DDA1: variants seen among roughly 807,000 people sequenced by gnomAD.
DDA1 encodes the protein DET1- and DDB1-associated protein 1.
In DDA1, 3 loss-of-function variants were observed where a neutral mutation model predicts 18.6. The ratio of observed to expected loss-of-function variants is 0.16; its 90% CI spans 0.07 to 0.42. DDA1 has a LOEUF of 0.42. Among genes scored for constraint, DDA1 ranks in the 10% least tolerant of loss-of-function variants. The pLI is 0.99. For missense variants in DDA1, 105 were observed against 138.2 expected (o/e 0.76, Z 1.20); for synonymous variants, 52 against 54.0 (o/e 0.96, Z 0.17).
rs751468064 is a variant in DDA1, at chr19:17,315,885, A to T, written c.137-49A>T. Reference sequence around the variant, plus strand: ...CCTCCCAGGGCAGTGTCAGGGGAGGAGCCTGGGGAGGGGAGGCGTCTGCGA... The same window carrying T: ...CCTCCCAGGGCAGTGTCAGGGGAGGTGCCTGGGGAGGGGAGGCGTCTGCGA... On this transcript the variant is annotated intron_variant, in intron 3 of 4. Transcript: ENST00000359866. 1.9e-6 allele frequency: 3 copies of T among 1,574,944 alleles called. No individual in the cohort carries two copies. In the South Asian group the frequency reaches 3.3e-5, roughly 17 times the overall value.
At chr19:17,311,839 C>T (rs955541353) in intron 1 of DDA1, among the ~76,000 whole-genome samples, 2 of 152,150 alleles carry the variant, frequency 1.3e-5, no homozygotes, top group Non-Finnish European at 1.5e-5. Flanking sequence ...GTGTCCAGTG[C>T]GTGTCTGCTG....
intron 1 of DDA1, chr19:17,310,161 C>T (rs1478793806): frequency 6.3e-6 from 1 of 159,816 alleles, no homozygotes; most frequent in Non-Finnish European, 1.4e-5. Flanking sequence ...CATTCTGGGC[C>T]CTTACCCGCC....
At chr19:17,317,368 G>A (rs1313150775) in intron 4 of DDA1, among the ~76,000 whole-genome samples, 6 of 151,932 alleles carry the variant, frequency 3.9e-5, no homozygotes, top group South Asian at 2.1e-4. Flanking sequence ...AATTAGCCGC[G>A]TAGCTGGGTG....
chr19:17,322,964 C>T lies in DDA1; in HGVS notation c.*3308C>T, dbSNP rs576471362. On this transcript the variant is annotated 3_prime_UTR_variant, in exon 5 of 5. Transcript: ENST00000359866. ...GGACTGGGGCCTGTGCACACATTGT[C>T]GCCTCTTTTCAGCACTTAGAGATTC... 8 of 152,394 alleles carry T rather than the reference C, an allele frequency of 5.2e-5. No individual in the cohort carries two copies. The highest frequency in any genetic ancestry group is 1.4e-4 in the African/African-American group (6 of 41,594). 9.4% of individuals were successfully genotyped at this position (152,394 alleles called of 1,614,324 possible).
At chr19:17,309,920 T>TC (rs966527600) in intron 1 of DDA1, among the ~76,000 whole-genome samples, 25 of 150,796 alleles carry the variant, frequency 1.7e-4, no homozygotes, top group Admixed American at 1.4e-3. Flanking sequence ...GGGTTGCGGC[T>TC]CCCCCCGGAA....
chr19:17,314,470 A>G lies in DDA1; in HGVS notation c.136+81A>G, dbSNP rs761552589. On this transcript the variant is annotated intron_variant, in intron 3 of 4. Coordinates refer to ENST00000359866, the MANE Select transcript of DDA1 (RefSeq NM_024050.6). This position sits in a 1 kb window ranked among gnomAD's most constrained non-coding sequence, Gnocchi z 4.6. Reference sequence around the variant, plus strand: ...GACTGCAGCGTGGCACGCGGAGGTTATCTTCAACCCCGGCCCAGGCCATAG... The same window carrying G: ...GACTGCAGCGTGGCACGCGGAGGTTGTCTTCAACCCCGGCCCAGGCCATAG... The G allele has an allele frequency of 2.4e-5, 37 of 1,574,168 alleles. No individual in the cohort carries two copies. The highest frequency in any genetic ancestry group is 3.1e-5 in the Non-Finnish European group (36 of 1,144,972).
At chr19:17,313,599 C>T (rs1291097680) in intron 1 of DDA1, among the ~76,000 whole-genome samples, 2 of 152,016 alleles carry the variant, frequency 1.3e-5, no homozygotes, top group Admixed American at 6.6e-5. Context: ...CGCACCACCA[C>T]GCCCACCTAA....
At chr19:17,313,807 T>G (rs2074190233) in intron 1 of DDA1, among the ~76,000 whole-genome samples, 1 of 152,160 alleles carries the variant, frequency 6.6e-6, no homozygotes, top group African/African-American at 2.4e-5. Context: ...TAGGGGGCTG[T>G]CATGAGGATC....
chr19:17,315,228 T>TAC (rs779683938), intron 3 of DDA1, among the ~76,000 whole-genome samples: 3 of 35,706 alleles, frequency 8.4e-5, no homozygotes, highest in Admixed American at 4.1e-4. Flanking sequence ...CACACGTGTA[T>TAC]ACACACACAC....
chr19:17,320,773 G>T lies in DDA1; in HGVS notation c.*1117G>T, dbSNP rs1312225040. 1 of 152,512 alleles carries T rather than the reference G, an allele frequency of 6.6e-6. No homozygotes were observed. Among genetic ancestry groups the T allele is most frequent in the Non-Finnish European group, 1.5e-5 (1 of 68,260 alleles). 9.4% of individuals were successfully genotyped at this position (152,512 alleles called of 1,614,324 possible). ...CTGTACAGAAGGTTGGCACCTGGCA[G>T]TTGGCATGTGCCATGGCCGCTCATG... On this transcript the variant is annotated 3_prime_UTR_variant, in exon 5 of 5. Transcript: ENST00000359866.
chr19:17,312,975 C>G (rs1167217322), intron 1 of DDA1, among the ~76,000 whole-genome samples: 1 of 152,060 alleles, frequency 6.6e-6, no homozygotes, highest in Non-Finnish European at 1.5e-5. Context: ...GAGGGACCAG[C>G]AGAGGAGGGG....
At chr19:17,315,427 T>TGTGC (rs1555722788) in intron 3 of DDA1, among the ~76,000 whole-genome samples, 3 of 79,132 alleles carry the variant, frequency 3.8e-5, no homozygotes, top group Middle Eastern at 5.3e-3. Flanking sequence ...TGTGTGTGTG[T>TGTGC]GCATATATAT....
In DDA1 at chr19:17,319,640, T is replaced by C. The variant is rs561040074; in HGVS notation, c.293T>C (p.Met98Thr). The C allele has an allele frequency of 1.9e-6, 3 of 1,572,236 alleles. No homozygotes were observed. In the African/African-American group the frequency reaches 4.0e-5, roughly 21 times the overall value. Residue 98 changes from methionine to threonine, a missense_variant, in exon 5 of 5, where the codon ATG becomes ACG. Physicochemically the swap from Met to Thr is moderately conservative, Grantham distance 81. Around this residue, in one of 2 missense-constraint regions of DDA1, gnomAD observed 62 missense variants for 55.8 expected, o/e 1.11. Transcript: ENST00000359866. Reference sequence around the variant, plus strand: ...GTGGCGCGGACCGACAGCCCAGACATGCACGAGGACACTTAAGACTCTCAA... The same window carrying C: ...GTGGCGCGGACCGACAGCCCAGACACGCACGAGGACACTTAAGACTCTCAA... ...RKVARTDSPD[M>T]HEDT
chr19:17,317,524 GAAAA>G (rs978917974), intron 4 of DDA1, among the ~76,000 whole-genome samples: 1 of 150,702 alleles, frequency 6.6e-6, no homozygotes, highest in Admixed American at 6.6e-5. Flanking sequence ...CTCAAAAAAA[GAAAA>G]AAAGAAATCT....
At position 17,314,195 on chromosome 19, in the gene DDA1, C is replaced by A; in HGVS notation, c.84+92C>A. 6.4e-7 allele frequency: 1 copy of A among 1,561,628 alleles called. No homozygotes were observed. Among genetic ancestry groups the A allele is most frequent in the Non-Finnish European group, 8.8e-7 (1 of 1,134,510 alleles). ...CCCCCGATTGGGGTCTTGGCTGGAA[C>A]AGAGGCTGATCTTCAAGCCCAGCCC... On this transcript the variant is annotated intron_variant, in intron 2 of 4. Coordinates refer to ENST00000359866, the MANE Select transcript of DDA1 (RefSeq NM_024050.6). This position sits in a 1 kb window ranked among gnomAD's most constrained non-coding sequence, Gnocchi z 4.6.
At chr19:17,309,810 C>T (rs191849779) in intron 1 of DDA1, among the ~76,000 whole-genome samples, 153 bp downstream of exon 1, 3 of 152,224 alleles carry the variant, frequency 2.0e-5, no homozygotes, top group African/African-American at 7.2e-5. Flanking sequence ...ACCTTCGACC[C>T]CCGGACCCTA....
Position 17,309,605 on chromosome 19 carries a change from G to A in DDA1, c.-50G>A, listed in dbSNP as rs1440224880. The stretch of plus-strand genomic sequence containing the variant: ...CGGCTAAGAAGGCGGCTCTGGTGGC[G>A]GCGGTGGAGGCTGAGGCGGCGGCCG... On this transcript the variant is annotated 5_prime_UTR_variant, in exon 1 of 5. Transcript: ENST00000359866. 68 of 1,601,162 alleles carry A rather than the reference G, an allele frequency of 4.2e-5. No homozygotes were observed. The highest frequency in any genetic ancestry group is 5.7e-5 in the Non-Finnish European group (67 of 1,169,708).
chr19:17,310,355 G>C (rs114139344), intron 1 of DDA1: 1 of 152,240 alleles, frequency 6.6e-6, no homozygotes, highest in East Asian at 1.9e-4. Flanking sequence ...TCTTCTAGCT[G>C]TCCCCTCATT....
chr19:17,314,574 C>T lies in DDA1; in HGVS notation c.136+185C>T. 1 of 718,474 alleles carries T rather than the reference C, an allele frequency of 1.4e-6. No homozygotes were observed. Among genetic ancestry groups the T allele is most frequent in the South Asian group, 1.8e-5 (1 of 55,090 alleles). 44.5% of individuals were successfully genotyped at this position (718,474 alleles called of 1,614,324 possible). Reference sequence around the variant, plus strand: ...CTCCAGGGAGGTACAGGAGGGGGACCTTGGGGGCTTCAGCCTGGGGATGCA... The same window carrying T: ...CTCCAGGGAGGTACAGGAGGGGGACTTTGGGGGCTTCAGCCTGGGGATGCA... On this transcript the variant is annotated intron_variant, in intron 3 of 4. Coordinates refer to ENST00000359866, the MANE Select transcript of DDA1 (RefSeq NM_024050.6). The surrounding 1 kb of genome is among the most constrained non-coding windows in gnomAD (Gnocchi z 4.6).
Sources: gnomAD v4.1 joint callset for allele counts (sites outside exome capture counted in the v4.1 genomes callset) on GRCh38, gnomAD v4.1.1 for gene constraint, gnomAD v4.1.1 regional missense constraint, Gnocchi (gnomAD v3.1) non-coding constraint, MANE v1.5 for transcripts, NCBI Gene and HGNC (gene_info 2026-07-23, HGNC 2026-07-21) for gene names.